Variants in DGKB observed in about 807,000 individuals in gnomAD.
DGKB encodes the protein 90 kDa diacylglycerol kinase.
DGKB carries 67 observed loss-of-function variants against 114.3 expected under a neutral mutation model. That is an observed-to-expected ratio of 0.59 (90% CI 0.48 to 0.72). DGKB has a LOEUF of 0.72. Among genes scored for constraint, DGKB ranks in the 30% least tolerant of loss-of-function variants. The pLI, the probability that DGKB is intolerant of heterozygous loss-of-function variation, is 0.00. For missense variants in DGKB, 907 were observed against 975.2 expected (o/e 0.93, Z 0.93); for synonymous variants, 398 against 323.1 (o/e 1.23, Z -2.49).
intron 19 of DGKB, among the ~76,000 whole-genome samples, chr7:14,577,050 T>A (rs1799229301): frequency 6.6e-6 from 1 of 152,120 alleles, no homozygotes; most frequent in African/African-American, 2.4e-5. Context: ...ATTAATAGGG[T>A]TCCTGTACCC....
intron 5 of DGKB, among the ~76,000 whole-genome samples, chr7:14,722,057 C>G (rs1564013091): frequency 6.6e-6 from 1 of 152,208 alleles, no homozygotes; most frequent in African/African-American, 2.4e-5. Context: ...CCACTACCAA[C>G]ATTCTCCACC....
At chr7:14,811,667 A>T (rs978721619) in intron 2 of DGKB, among the ~76,000 whole-genome samples, 1 of 152,166 alleles carries the variant, frequency 6.6e-6, no homozygotes, top group Non-Finnish European at 1.5e-5. Context: ...GTAATTAATT[A>T]AAACAATATT....
intron 5 of DGKB, among the ~76,000 whole-genome samples, chr7:14,731,200 C>G (rs555098064): frequency 6.6e-6 from 1 of 152,198 alleles, no homozygotes; most frequent in East Asian, 1.9e-4. Flanking sequence ...GGAATAGTAG[C>G]AGGTTTGTGC....
At chr7:14,264,174 A>G (rs777762040) in intron 23 of DGKB, among the ~76,000 whole-genome samples, 14 of 152,216 alleles carry the variant, frequency 9.2e-5, no homozygotes, top group Admixed American at 3.3e-4. Context: ...GGTAGATGAC[A>G]GTGGATTGAC....
chr7:14,836,359 T>C (rs1003770089), intron 2 of DGKB, among the ~76,000 whole-genome samples: 3 of 152,226 alleles, frequency 2.0e-5, no homozygotes, highest in Non-Finnish European at 2.9e-5. Context: ...CATAATAACA[T>C]AGTATTTTTC....
chr7:14,320,032 C>A (rs986969566), intron 23 of DGKB, among the ~76,000 whole-genome samples: 1 of 152,192 alleles, frequency 6.6e-6, no homozygotes, highest in Non-Finnish European at 1.5e-5. Flanking sequence ...AAAAGCAGCA[C>A]TGCTGGAATA....
intron 23 of DGKB, among the ~76,000 whole-genome samples, chr7:14,196,008 C>A (rs186437268): frequency 1.3e-3 from 203 of 152,192 alleles, no homozygotes; most frequent in African/African-American, 4.7e-3. Context: ...ATCTCAGCAA[C>A]CTTCATGTAG....
chr7:14,669,406 T>C (rs1818578605), intron 13 of DGKB, among the ~76,000 whole-genome samples: 1 of 152,158 alleles, frequency 6.6e-6, no homozygotes, highest in African/African-American at 2.4e-5. Context: ...GCCTTTGAGA[T>C]CTGTCAAGTG....
chr7:14,215,997 C>T (rs187197628), intron 23 of DGKB, among the ~76,000 whole-genome samples: 2 of 152,222 alleles, frequency 1.3e-5, no homozygotes, highest in African/African-American at 4.8e-5. Flanking sequence ...AAACCTCTTA[C>T]TATATACCAA....
At chr7:14,852,487 C>CAAAAAAAAACAAACAAACAAA (rs1554304221) in intron 1 of DGKB, among the ~76,000 whole-genome samples, 638 of 63,618 alleles carry the variant, frequency 0.01, 84 homozygotes, top group Middle Eastern at 0.026. Flanking sequence ...TAGTGAAAGT[C>CAAAAAAAAACAAACAAACAAA]AAAAAAAAAA....
intron 1 of DGKB, among the ~76,000 whole-genome samples, chr7:14,886,896 C>A (rs1780369593): frequency 6.6e-6 from 1 of 151,926 alleles, no homozygotes; most frequent in South Asian, 2.1e-4. Flanking sequence ...TCCTATCATA[C>A]CCACTCCAGC....
At chr7:14,678,537 G>A (rs950732701) in intron 12 of DGKB, among the ~76,000 whole-genome samples, 2 of 152,006 alleles carry the variant, frequency 1.3e-5, no homozygotes, top group Admixed American at 6.6e-5. Flanking sequence ...GAGGGTGTGT[G>A]TAGAAGAGGA....
intron 2 of DGKB, among the ~76,000 whole-genome samples, chr7:14,803,407 T>A (rs143479361): frequency 8.5e-5 from 13 of 152,330 alleles, no homozygotes; most frequent in African/African-American, 3.1e-4. Context: ...CAGTTAATTC[T>A]ATGTGAGTGT....
chr7:14,413,831 T>A (rs1825279213), intron 21 of DGKB, among the ~76,000 whole-genome samples: 2 of 152,052 alleles, frequency 1.3e-5, no homozygotes. Flanking sequence ...ACATCTTCAG[T>A]ATTTTGGCTA....
chr7:14,698,764 T>C lies in DGKB; in HGVS notation c.517-595A>G, dbSNP rs958680516. On this transcript the variant is annotated intron_variant, in intron 7 of 25. Coordinates refer to ENST00000402815, the MANE Select transcript of DGKB (RefSeq NM_001350709.2). ...GCTCAATTATCAACTCTTTGAAGAATTGCAAGTTAATACAGATGACCTGGC... is the reference window on the plus strand; with the variant it reads ...GCTCAATTATCAACTCTTTGAAGAACTGCAAGTTAATACAGATGACCTGGC... 8.5e-5 allele frequency among the ~76,000 whole-genome samples: 13 copies of C among 152,286 alleles called. No homozygotes were observed. In the South Asian group the frequency reaches 1.0e-3, roughly 12 times the overall value.
At chr7:14,376,187 C>T (rs1818456841) in intron 21 of DGKB, among the ~76,000 whole-genome samples, 2 of 152,136 alleles carry the variant, frequency 1.3e-5, no homozygotes, top group Non-Finnish European at 1.5e-5. Context: ...GCCTGTCAGC[C>T]AGGGTTGAGT....
intron 1 of DGKB, among the ~76,000 whole-genome samples, chr7:14,971,505 T>C (rs996890108): frequency 6.6e-6 from 1 of 152,166 alleles, no homozygotes; most frequent in South Asian, 2.1e-4. Context: ...TCAAGATTTG[T>C]AGCTGAGTAA....
intron 21 of DGKB, among the ~76,000 whole-genome samples, chr7:14,351,909 G>T (rs796402036): frequency 7.2e-5 from 11 of 152,046 alleles, no homozygotes; most frequent in African/African-American, 2.7e-4. Context: ...CTTTTTTTTG[G>T]AGTAAGAGAA....
At chr7:14,433,507 G>A (rs922427514) in intron 21 of DGKB, among the ~76,000 whole-genome samples, 10 of 152,072 alleles carry the variant, frequency 6.6e-5, no homozygotes, top group East Asian at 1.9e-4. Context: ...ATAAGAAAGC[G>A]GAAGTATTCT....
Sources: gnomAD v4.1 joint callset for allele counts (sites outside exome capture counted in the v4.1 genomes callset) on GRCh38, gnomAD v4.1.1 for gene constraint, MANE v1.5 for transcripts, NCBI Gene and HGNC (gene_info 2026-07-23, HGNC 2026-07-21) for gene names.